The following GPC5 variants were observed in gnomAD, a reference collection of about 807,000 sequenced individuals.
GPC5 encodes the protein glypican-5.
Under a neutral mutation model 53.9 loss-of-function variants are expected in GPC5, and 47 were observed. That is an observed-to-expected ratio of 0.87 (90% CI 0.69 to 1.11). The LOEUF is 1.11. GPC5 is among the 50% of genes most tolerant of loss of function. The pLI, the probability that GPC5 is intolerant of heterozygous loss-of-function variation, is 0.00. For missense variants in GPC5, 748 were observed against 713.1 expected, an observed-to-expected ratio of 1.05 and a Z score of -0.56; for synonymous variants, 286 against 263.3, an observed-to-expected ratio of 1.09 and a Z score of -0.84.
intron 1 of GPC5, among the ~76,000 whole-genome samples, chr13:91,402,932 C>T (rs560173034): frequency 5.3e-5 from 8 of 152,300 alleles, no homozygotes; most frequent in Middle Eastern, 3.4e-3. Flanking sequence ...AACAAGGCTG[C>T]GCTGCTGCTA....
At position 92,377,788 on chromosome 13, in the gene GPC5, A is replaced by G. The variant is rs564515843; in HGVS notation, c.1561+232799A>G. ...GATCAAAGAAAACATTAAATGGCCA[A>G]CCAAGACTTAGGTTTGAACAATTCA... On this transcript the variant is annotated intron_variant, in intron 7 of 7. Transcript: ENST00000377067. Among the ~76,000 whole-genome samples, 416 of 152,350 alleles carry G rather than the reference A, an allele frequency of 2.7e-3. 2 individuals carry two copies. Among genetic ancestry groups the G allele is most frequent in the Middle Eastern group, 0.02 (6 of 294 alleles).
intron 6 of GPC5, among the ~76,000 whole-genome samples, chr13:91,924,394 T>G (rs976870126): frequency 1.4e-4 from 22 of 152,128 alleles, no homozygotes; most frequent in African/African-American, 4.6e-4. Context: ...ACTAATTCAT[T>G]AAAGGACAAT....
At chr13:92,160,676 T>C (rs2041981033) in intron 7 of GPC5, among the ~76,000 whole-genome samples, 1 of 152,152 alleles carries the variant, frequency 6.6e-6, no homozygotes, top group South Asian at 2.1e-4. Context: ...GATTACTATA[T>C]AAAACTATCT....
At chr13:91,865,792 T>C (rs1360853719) in intron 5 of GPC5, among the ~76,000 whole-genome samples, 1 of 152,196 alleles carries the variant, frequency 6.6e-6, no homozygotes, top group East Asian at 1.9e-4. Context: ...CTACCTCCTC[T>C]TGTGACTTTC....
At chr13:92,388,481 G>A (rs916610329) in intron 7 of GPC5, among the ~76,000 whole-genome samples, 13 of 152,026 alleles carry the variant, frequency 8.6e-5, no homozygotes, top group African/African-American at 2.9e-4. Context: ...TCCGACAAAA[G>A]GGTTGCTCCA....
At chr13:92,417,643 C>G (rs1876371874) in intron 7 of GPC5, among the ~76,000 whole-genome samples, 1 of 152,092 alleles carries the variant, frequency 6.6e-6, no homozygotes, top group African/African-American at 2.4e-5. Flanking sequence ...GAGGAACAGG[C>G]AGGTGGATCT....
At chr13:92,435,433 T>C (rs1386529872) in intron 7 of GPC5, among the ~76,000 whole-genome samples, 2 of 152,158 alleles carry the variant, frequency 1.3e-5, no homozygotes, top group Non-Finnish European at 2.9e-5. Context: ...CCTAAAAGTA[T>C]TGAATATATC....
chr13:92,658,931 T>TTG (rs1555299946), intron 7 of GPC5: 2 of 133,260 alleles, frequency 1.5e-5, no homozygotes, highest in Admixed American at 1.5e-4. Context: ...TTTGTTTTTT[T>TTG]TTTTTTTTTT....
intron 5 of GPC5, among the ~76,000 whole-genome samples, chr13:91,843,053 T>C (rs1288203010): frequency 6.6e-6 from 1 of 152,204 alleles, no homozygotes; most frequent in Non-Finnish European, 1.5e-5. Flanking sequence ...GTTATTTGAA[T>C]AATCTGCCAT....
chr13:91,514,216 A>C (rs1469938829), intron 2 of GPC5, among the ~76,000 whole-genome samples: 1 of 152,182 alleles, frequency 6.6e-6, no homozygotes, highest in Non-Finnish European at 1.5e-5. Context: ...TTTATAAGAA[A>C]TTACAAATTT....
chr13:92,646,119 T>C (rs146185977), intron 7 of GPC5, among the ~76,000 whole-genome samples: 33 of 152,228 alleles, frequency 2.2e-4, no homozygotes, highest in African/African-American at 7.5e-4. Flanking sequence ...TCATAAAGAT[T>C]TTCTCAAATA....
chr13:91,670,205 C>G (rs972329738), intron 2 of GPC5, among the ~76,000 whole-genome samples: 1 of 152,154 alleles, frequency 6.6e-6, no homozygotes, highest in African/African-American at 2.4e-5. Context: ...TACAATTTTC[C>G]TTTGCTCTCT....
chr13:92,801,375 C>T (rs1876901868), intron 7 of GPC5, among the ~76,000 whole-genome samples: 1 of 151,610 alleles, frequency 6.6e-6, no homozygotes, highest in Non-Finnish European at 1.5e-5. Flanking sequence ...GCACATTACC[C>T]ATGTGTTTGT....
intron 2 of GPC5, among the ~76,000 whole-genome samples, chr13:91,686,444 G>T (rs543529047): frequency 4.4e-4 from 67 of 151,914 alleles, no homozygotes; most frequent in African/African-American, 1.6e-3. Flanking sequence ...CATAACATTT[G>T]AAAATGTCAT....
chr13:92,633,626 TA>T (rs1885326645), intron 7 of GPC5, among the ~76,000 whole-genome samples: 1 of 152,130 alleles, frequency 6.6e-6, no homozygotes, highest in South Asian at 2.1e-4. Flanking sequence ...AAGTTTTTGT[TA>T]TAATACTTTT....
intron 7 of GPC5, among the ~76,000 whole-genome samples, chr13:92,273,020 T>A (rs2042851160): frequency 6.6e-6 from 1 of 152,118 alleles, no homozygotes; most frequent in South Asian, 2.1e-4. Context: ...GTGGGGACCC[T>A]GGGAGAGGTG....
intron 7 of GPC5, among the ~76,000 whole-genome samples, chr13:92,851,600 G>A (rs566371011): frequency 1.1e-4 from 17 of 152,038 alleles, no homozygotes; most frequent in Admixed American, 2.0e-4. Context: ...GCCATAAGCC[G>A]GTCGGGCACA....
chr13:91,909,456 G>A (rs1378453760), intron 6 of GPC5, among the ~76,000 whole-genome samples: 1 of 152,090 alleles, frequency 6.6e-6, no homozygotes, highest in Non-Finnish European at 1.5e-5. Context: ...ATTTCACAGA[G>A]GGTGCAGGAA....
intron 3 of GPC5, among the ~76,000 whole-genome samples, chr13:91,712,788 G>A (rs549884999): frequency 6.6e-6 from 1 of 152,050 alleles, no homozygotes; most frequent in South Asian, 2.1e-4. Flanking sequence ...AGACAATAAA[G>A]GACACTCCTG....
Sources: allele counts gnomAD v4.1 joint callset (sites outside exome capture counted in the v4.1 genomes callset), GRCh38; gene constraint gnomAD v4.1.1; transcripts MANE v1.5; gene names NCBI Gene and HGNC (gene_info 2026-07-23, HGNC 2026-07-21).